Variants in MAP3K2 observed in about 807,000 individuals in gnomAD.
MAP3K2 encodes the protein MAP/ERK kinase kinase 2.
A neutral mutation model predicts 80.3 loss-of-function variants in MAP3K2; 24 were observed. The observed-to-expected ratio is 0.30, with a 90% CI of 0.22 to 0.42. The LOEUF (loss-of-function observed/expected upper bound fraction) is 0.42. MAP3K2 is among the 10% of genes least tolerant of loss of function. MAP3K2 has a pLI of 1.00. For synonymous variants in MAP3K2, 244 were observed against 253.7 expected (o/e 0.96, Z 0.36); for missense variants, 608 against 750.1 (o/e 0.81, Z 2.21).
chr2:127,382,553 C>G (rs76102121), intron 1 of MAP3K2, among the ~76,000 whole-genome samples: 2,095 of 152,286 alleles, frequency 0.014, 47 homozygotes, highest in African/African-American at 0.047. Context: ...TGTTTTCTTA[C>G]AAATTGACTC....
chr2:127,388,003 G>A (rs986489269), upstream of MAP3K2: 6 of 983,590 alleles, frequency 6.1e-6, no homozygotes, highest in African/African-American at 8.8e-5. Context: ...GCACGTCACG[G>A]CCGCTCGCTC....
chr2:127,379,845 G>C (rs1425093324), intron 1 of MAP3K2, among the ~76,000 whole-genome samples: 1 of 152,182 alleles, frequency 6.6e-6, no homozygotes, highest in African/African-American at 2.4e-5. Context: ...GTGAACCTAA[G>C]CAAGTTGCTT....
At chr2:127,377,387 G>GT (rs1371214388) in intron 1 of MAP3K2, among the ~76,000 whole-genome samples, 9 of 121,226 alleles carry the variant, frequency 7.4e-5, no homozygotes, top group East Asian at 7.4e-4. Context: ...AAATTTCAGT[G>GT]GTTTTTTTTT....
chr2:127,370,807 A>C (rs1384041300), intron 1 of MAP3K2, among the ~76,000 whole-genome samples: 1 of 152,212 alleles, frequency 6.6e-6, no homozygotes, highest in Non-Finnish European at 1.5e-5. Context: ...GAGCCTAAAA[A>C]GGGGAGGGAG....
At chr2:127,331,150 C>A (rs1287435091) in intron 5 of MAP3K2, among the ~76,000 whole-genome samples, 1 of 152,114 alleles carries the variant, frequency 6.6e-6, no homozygotes, top group African/African-American at 2.4e-5. Context: ...TTTCACTAGT[C>A]TTCTCATGCA....
intron 7 of MAP3K2, among the ~76,000 whole-genome samples, chr2:127,328,679 A>C (rs944462861): frequency 6.6e-6 from 1 of 152,254 alleles, no homozygotes; most frequent in Non-Finnish European, 1.5e-5. Flanking sequence ...AACCCAAAGT[A>C]GGACTTATTT....
intron 12 of MAP3K2, among the ~76,000 whole-genome samples, chr2:127,320,060 A>G (rs183393825): frequency 5.9e-5 from 9 of 152,162 alleles, no homozygotes; most frequent in Non-Finnish European, 8.8e-5. Flanking sequence ...CCAGGCATAC[A>G]TTCTATTTAC....
At chr2:127,363,024 T>C (rs1484737207) in intron 1 of MAP3K2, among the ~76,000 whole-genome samples, 1 of 152,114 alleles carries the variant, frequency 6.6e-6, no homozygotes, top group African/African-American at 2.4e-5. Context: ...CGTGTAACAA[T>C]AATTTACACA....
rs1685787754 is a variant in MAP3K2 at position 127,310,428 on chromosome 2, C to T, written c.1457-1666G>A. Among the ~76,000 whole-genome samples the T allele has an allele frequency of 6.6e-6, 1 of 152,128 alleles. No individual in the cohort carries two copies. ...CTTTGGGAGGCAAAGGTGGGTGGATCGCTTGAGCTCAGGAATTCAAGGCCA... is the reference window on the plus strand; with the variant it reads ...CTTTGGGAGGCAAAGGTGGGTGGATTGCTTGAGCTCAGGAATTCAAGGCCA... On this transcript the variant is annotated intron_variant, in intron 15 of 16. Coordinates refer to ENST00000682094, the MANE Select transcript of MAP3K2 (RefSeq NM_001371910.2). The surrounding 1 kb of genome is among the most constrained non-coding windows in gnomAD (Gnocchi z 4.8).
Position 127,302,260 on chromosome 2 carries a change from C to T in MAP3K2, c.*5319G>A, listed in dbSNP as rs1685607778. Reference sequence around the variant, plus strand: ...GCAATTTACAATCAATATTATTATACAATCATTTGTACTAGCTACTTCTGG... The same window carrying T: ...GCAATTTACAATCAATATTATTATATAATCATTTGTACTAGCTACTTCTGG... On this transcript the variant is annotated 3_prime_UTR_variant, in exon 17 of 17. Transcript: ENST00000682094. 1 of 152,080 alleles carries T rather than the reference C, an allele frequency of 6.6e-6. No homozygotes were observed. Among genetic ancestry groups the T allele is most frequent in the South Asian group, 2.1e-4 (1 of 4,832 alleles). The allele number at this position is 152,080 out of a possible 1,614,324, so 9.4% of individuals were successfully genotyped here.
chr2:127,316,340 C>T (rs781732061), intron 14 of MAP3K2, among the ~76,000 whole-genome samples: 16 of 152,202 alleles, frequency 1.1e-4, no homozygotes, highest in Non-Finnish European at 2.1e-4. Flanking sequence ...TGCCATTGCT[C>T]AGCCTGGGCA....
At chr2:127,317,827 G>T in intron 13 of MAP3K2, 67 bp from the exon 14 acceptor site, 1 of 1,391,262 alleles carries the variant, frequency 7.2e-7, no homozygotes, top group Non-Finnish European at 9.8e-7. Context: ...CTAACTTCAT[G>T]GACCATCAAG....
At chr2:127,386,116 T>C (rs1050917662) in intron 1 of MAP3K2, among the ~76,000 whole-genome samples, 5 of 152,230 alleles carry the variant, frequency 3.3e-5, no homozygotes, top group Admixed American at 2.0e-4. Context: ...AACTTGATAA[T>C]ATACTAGGAA....
chr2:127,324,851 G>A (rs78635893), intron 9 of MAP3K2, among the ~76,000 whole-genome samples: 1 of 152,138 alleles, frequency 6.6e-6, no homozygotes, highest in Non-Finnish European at 1.5e-5. Context: ...GAGACCAGGA[G>A]GGGGAGCACG....
intron 3 of MAP3K2, 104 bp downstream of exon 3, chr2:127,338,828 C>T: frequency 1.3e-6 from 1 of 747,026 alleles, no homozygotes; most frequent in Admixed American, 2.8e-5. Flanking sequence ...TAACAAAATT[C>T]TTGATTCGAA....
chr2:127,340,666 A>G (rs887556337), intron 2 of MAP3K2, among the ~76,000 whole-genome samples: 2 of 136,986 alleles, frequency 1.5e-5, no homozygotes, highest in African/African-American at 5.1e-5. Flanking sequence ...CCCAAAAGGA[A>G]AAAAAAAAAA....
At chr2:127,365,161 A>G (rs1320752399) in intron 1 of MAP3K2, among the ~76,000 whole-genome samples, 1 of 138,924 alleles carries the variant, frequency 7.2e-6, no homozygotes, top group South Asian at 2.4e-4. Flanking sequence ...AAAAGCTACT[A>G]TTTATAATGG....
Position 127,387,653 on chromosome 2 carries a change from G to C in MAP3K2, c.-267C>G. 1.0e-6 allele frequency: 1 copy of C among 985,106 alleles called. No individual in the cohort carries two copies. The highest frequency in any genetic ancestry group is 1.2e-6 in the Non-Finnish European group (1 of 829,834). The allele number at this position is 985,106 out of a possible 1,614,324, so 61.0% of individuals were successfully genotyped here. A position where few individuals can be genotyped will look rare whatever the true frequency, so the allele number is the denominator to read the frequency against. On this transcript the variant is annotated 5_prime_UTR_variant, in exon 1 of 17. Coordinates refer to ENST00000682094, the MANE Select transcript of MAP3K2 (RefSeq NM_001371910.2). The stretch of plus-strand genomic sequence containing the variant: ...CGTCCCTCTTTCACATGAAGCCCGG[G>C]CCGGGCGGGGTGGCGGGCGCGTGAA...
At chr2:127,369,578 C>A (rs1368286135) in intron 1 of MAP3K2, among the ~76,000 whole-genome samples, 1 of 149,958 alleles carries the variant, frequency 6.7e-6, no homozygotes, top group Non-Finnish European at 1.5e-5. Flanking sequence ...TATTGACTCA[C>A]ATTTTTCCCA....
Sources: allele counts gnomAD v4.1 joint callset (sites outside exome capture counted in the v4.1 genomes callset), GRCh38; gene constraint gnomAD v4.1.1; non-coding constraint Gnocchi (gnomAD v3.1); transcripts MANE v1.5; gene names NCBI Gene and HGNC (gene_info 2026-07-23, HGNC 2026-07-21).